The following ZBP1 variants were observed in gnomAD, a reference collection of about 807,000 sequenced individuals.
ZBP1 encodes the protein Z-DNA binding protein 1.
A neutral mutation model predicts 41.1 loss-of-function variants in ZBP1; 42 were observed. That is an observed-to-expected ratio of 1.02 (90% CI 0.80 to 1.32). ZBP1 has a LOEUF of 1.32. ZBP1 is among the 40% of genes most tolerant of loss of function. The pLI is 0.00. For synonymous variants in ZBP1, 214 were observed against 205.2 expected (o/e 1.04, Z -0.37); for missense variants, 562 against 549.7 (o/e 1.02, Z -0.22).
chr20:57,616,045 G>C (rs2070815297), intron 2 of ZBP1, 199 bp downstream of exon 2: 1 of 612,916 alleles, frequency 1.6e-6, no homozygotes, highest in African/African-American at 1.8e-5. Context: ...CTGACGCAGG[G>C]CCTCCTCTCA....
In ZBP1 at chr20:57,613,004, C is replaced by T. The variant is rs1456894620; in HGVS notation, c.670+159G>A. ...GCTTTGATCCAGGTGTCCTCATTCT[C>T]AGGACGGCCGTAAAGGTGGACTGTG... On this transcript the variant is annotated intron_variant, in intron 5 of 7. Coordinates refer to ENST00000371173, the MANE Select transcript of ZBP1 (RefSeq NM_030776.3). This position sits in a 1 kb window ranked among gnomAD's most constrained non-coding sequence, Gnocchi z 4.5. The T allele has an allele frequency of 2.0e-6, 3 of 1,470,148 alleles. No homozygotes were observed. The South Asian group carries it at 4.2e-5, about 21-fold the overall frequency. The allele number at this position is 1,470,148 out of a possible 1,614,324, so 91.1% of individuals were successfully genotyped here. A position where few individuals can be genotyped will look rare whatever the true frequency, so the allele number is the denominator to read the frequency against.
At position 57,604,132 on chromosome 20, in the gene ZBP1, C is replaced by T; in HGVS notation, c.*441G>A. On this transcript the variant is annotated 3_prime_UTR_variant, in exon 8 of 8. Coordinates refer to ENST00000371173, the MANE Select transcript of ZBP1 (RefSeq NM_030776.3). ...TATTGATCCGCCCGCCTCGGCCTCC[C>T]AAAGTGCTGGGATTACAGGCGTGAG... is the stretch of plus-strand genomic sequence containing the variant. The T allele has an allele frequency of 3.5e-6, 1 of 289,074 alleles. No individual in the cohort carries two copies. The highest frequency in any genetic ancestry group is 6.8e-6 in the Non-Finnish European group (1 of 146,900). The allele number at this position is 289,074 out of a possible 1,614,324, so 17.9% of individuals were successfully genotyped here.
At chr20:57,620,196 G>A (rs919924722) in intron 1 of ZBP1, 66 bp downstream of exon 1, 39 of 1,528,546 alleles carry the variant, frequency 2.6e-5, no homozygotes, top group Non-Finnish European at 3.3e-5. Context: ...CGAAACAGGA[G>A]GAAAGAGAAG....
Position 57,610,458 on chromosome 20 carries a change from A to G in ZBP1, c.875-91T>C. On this transcript the variant is annotated intron_variant, in intron 6 of 7. Transcript: ENST00000371173. This position sits in a 1 kb window ranked among gnomAD's most constrained non-coding sequence, Gnocchi z 5.5. Reference sequence around the variant, plus strand: ...CCCAGCCTGGTTCACCCTCCTCCCCAGATCTCCCACCAGTGGCCCACACCA... The same window carrying G: ...CCCAGCCTGGTTCACCCTCCTCCCCGGATCTCCCACCAGTGGCCCACACCA... The G allele has an allele frequency of 5.7e-6, 8 of 1,408,134 alleles. No homozygotes were observed. The South Asian group carries it at 9.8e-5, about 17-fold the overall frequency. The allele number at this position is 1,408,134 out of a possible 1,614,324, so 87.2% of individuals were successfully genotyped here.
chr20:57,610,138 C>T lies in ZBP1; in HGVS notation c.1093+11G>A. On this transcript the variant is annotated intron_variant, in intron 7 of 7. Coordinates refer to ENST00000371173, the MANE Select transcript of ZBP1 (RefSeq NM_030776.3). This position sits in a 1 kb window ranked among gnomAD's most constrained non-coding sequence, Gnocchi z 5.5. ...AGAACACACAGGGGTCCACTCTGCC[C>T]CCTAGCTCACCTGCGTCCTCCCCTG... is the stretch of plus-strand genomic sequence containing the variant. 2.5e-6 allele frequency: 4 copies of T among 1,612,630 alleles called. No individual in the cohort carries two copies. Among genetic ancestry groups the T allele is most frequent in the South Asian group, 1.1e-5 (1 of 91,026 alleles).
intron 7 of ZBP1, chr20:57,606,941 C>T (rs2146556931): frequency 2.6e-6 from 3 of 1,162,894 alleles, no homozygotes; most frequent in Non-Finnish European, 3.3e-6. Context: ...TGACAATGCA[C>T]CTGTTCATCC....
At position 57,613,454 on chromosome 20, in the gene ZBP1, G is replaced by A; in HGVS notation, c.503-124C>T. The stretch of plus-strand genomic sequence containing the variant: ...AAAATACCCTGGGCGTTCCGAGTCA[G>A]TAGGGCCAAGTGGGAGGCCAGAGCT... On this transcript the variant is annotated intron_variant, in intron 4 of 7. Transcript: ENST00000371173. This position sits in a 1 kb window ranked among gnomAD's most constrained non-coding sequence, Gnocchi z 4.5. 9.8e-7 allele frequency: 1 copy of A among 1,020,368 alleles called. No individual in the cohort carries two copies. Among genetic ancestry groups the A allele is most frequent in the East Asian group, 2.4e-5 (1 of 41,738 alleles). 63.2% of individuals were successfully genotyped at this position (1,020,368 alleles called of 1,614,324 possible).
chr20:57,610,419 C>T lies in ZBP1; in HGVS notation c.875-52G>A, dbSNP rs377519470. The T allele has an allele frequency of 8.1e-5, 129 of 1,595,848 alleles. No individual in the cohort carries two copies. The highest frequency in any genetic ancestry group is 4.6e-4 in the South Asian group (42 of 90,466). On this transcript the variant is annotated intron_variant, in intron 6 of 7. Coordinates refer to ENST00000371173, the MANE Select transcript of ZBP1 (RefSeq NM_030776.3). The surrounding 1 kb of genome is among the most constrained non-coding windows in gnomAD (Gnocchi z 5.5). ...GAGCCAGGAGCAGCTGGACAGTGGCCGGGAACCCTGACCCCCAGCCTGGTT... is the reference window on the plus strand; with the variant it reads ...GAGCCAGGAGCAGCTGGACAGTGGCTGGGAACCCTGACCCCCAGCCTGGTT...
In ZBP1 at chr20:57,610,371, T is replaced by C. The variant is rs1310008025; in HGVS notation, c.875-4A>G. The C allele has an allele frequency of 3.1e-6, 5 of 1,613,934 alleles. No homozygotes were observed. The Admixed American group carries it at 8.3e-5, about 27-fold the overall frequency. ...GGGCCGGCAGCAGTGGCAGAGACTGTGGGTCAAAGGGAGAGAGGCCTGGAG... is the reference window on the plus strand; with the variant it reads ...GGGCCGGCAGCAGTGGCAGAGACTGCGGGTCAAAGGGAGAGAGGCCTGGAG... On this transcript the variant is annotated splice_polypyrimidine_tract_variant and splice_region_variant and intron_variant, in intron 6 of 7. Coordinates refer to ENST00000371173, the MANE Select transcript of ZBP1 (RefSeq NM_030776.3). The surrounding 1 kb of genome is among the most constrained non-coding windows in gnomAD (Gnocchi z 5.5).
chr20:57,604,429 A>G lies in ZBP1; in HGVS notation c.*144T>C, dbSNP rs1250367394. Reference sequence around the variant, plus strand: ...CTGAACCCATCCCCATGCCAGGTCCATTCCCCCAAAACTGATTCATGCAGG... The same window carrying G: ...CTGAACCCATCCCCATGCCAGGTCCGTTCCCCCAAAACTGATTCATGCAGG... On this transcript the variant is annotated 3_prime_UTR_variant, in exon 8 of 8. Transcript: ENST00000371173. 2.8e-6 allele frequency: 3 copies of G among 1,061,300 alleles called. No individual in the cohort carries two copies. The highest frequency in any genetic ancestry group is 2.6e-5 in the South Asian group (2 of 77,264). The allele number at this position is 1,061,300 out of a possible 1,614,324, so 65.7% of individuals were successfully genotyped here.
intron 3 of ZBP1, 115 bp downstream of exon 3, chr20:57,615,397 G>C (rs2070792304): frequency 9.0e-7 from 1 of 1,113,602 alleles, no homozygotes; most frequent in Non-Finnish European, 1.3e-6. Flanking sequence ...GCTGCCTGGT[G>C]GGTGGGACAG....
At position 57,610,265 on chromosome 20, in the gene ZBP1, G is replaced by A. The variant is rs148258013; in HGVS notation, c.977C>T (p.Ser326Leu). 2.0e-4 allele frequency: 315 copies of A among 1,614,174 alleles called. 1 individual carries two copies. The highest frequency in any genetic ancestry group is 3.3e-4 in the Middle Eastern group (2 of 6,062). Residue 326 changes from serine (S) to leucine (L), a missense_variant, in exon 7 of 8, where the codon TCG (serine) becomes TTG (leucine). Ser to Leu is a moderately radical substitution (Grantham distance 145). Transcript: ENST00000371173. This position sits in a 1 kb window ranked among gnomAD's most constrained non-coding sequence, Gnocchi z 5.5. ...GATGGTGGCGTCCTCGAGAAAGCAC[G>A]ATTTCATGTGGATTCTCTGGGCGGC... ...GEAAQRIHMK[S>L]CFLEDATIGN...
At position 57,611,825 on chromosome 20, in the gene ZBP1, G is replaced by GA; in HGVS notation, c.775dup (p.Ser259PhefsTer13). 6.2e-7 allele frequency: 1 copy of GA among 1,609,740 alleles called. No homozygotes were observed. The highest frequency in any genetic ancestry group is 8.5e-7 in the Non-Finnish European group (1 of 1,178,250). On this transcript the variant is annotated frameshift_variant, in exon 6 of 8. Coordinates refer to ENST00000371173, the MANE Select transcript of ZBP1 (RefSeq NM_030776.3). LOFTEE classifies it high-confidence loss of function. ...TCCCAGCTGCACCCGTCTCAGTATGGACTGCTCCATGTGGATGTCCTGGGG... is the reference window on the plus strand; with the variant it reads ...TCCCAGCTGCACCCGTCTCAGTATGGAACTGCTCCATGTGGATGTCCTGGGG...
At chr20:57,612,525 A>G (rs1312104485) in intron 5 of ZBP1, among the ~76,000 whole-genome samples, 1 of 151,810 alleles carries the variant, frequency 6.6e-6, no homozygotes, top group Non-Finnish European at 1.5e-5. Context: ...CAGTGGGGAA[A>G]GGTTCTCCCA....
Position 57,610,396 on chromosome 20 carries a change from G to A in ZBP1, c.875-29C>T. On this transcript the variant is annotated intron_variant, in intron 6 of 7. Coordinates refer to ENST00000371173, the MANE Select transcript of ZBP1 (RefSeq NM_030776.3). This position sits in a 1 kb window ranked among gnomAD's most constrained non-coding sequence, Gnocchi z 5.5. ...TGGGTCAAAGGGAGAGAGGCCTGGA[G>A]CCAGGAGCAGCTGGACAGTGGCCGG... 6.2e-7 allele frequency: 1 copy of A among 1,611,726 alleles called. No homozygotes were observed. The highest frequency in any genetic ancestry group is 8.5e-7 in the Non-Finnish European group (1 of 1,178,004).
rs2070629828 is a variant in ZBP1 at position 57,610,431 on chromosome 20, C to A, written c.875-64G>T. On this transcript the variant is annotated intron_variant, in intron 6 of 7. Transcript: ENST00000371173. This position sits in a 1 kb window ranked among gnomAD's most constrained non-coding sequence, Gnocchi z 5.5. ...GCTGGACAGTGGCCGGGAACCCTGA[C>A]CCCCAGCCTGGTTCACCCTCCTCCC... 3 of 1,566,022 alleles carry A rather than the reference C, an allele frequency of 1.9e-6. No individual in the cohort carries two copies. The highest frequency in any genetic ancestry group is 1.1e-5 in the South Asian group (1 of 89,214).
rs372958405 is a variant in ZBP1, at chr20:57,603,993, G to A, written c.*580C>T. On this transcript the variant is annotated 3_prime_UTR_variant, in exon 8 of 8. Coordinates refer to ENST00000371173, the MANE Select transcript of ZBP1 (RefSeq NM_030776.3). The surrounding 1 kb of genome is among the most constrained non-coding windows in gnomAD (Gnocchi z 4.6). ...CACCATTCTCCTCCCTCAGCCTCCG[G>A]AGTAGCTGGGACTCCAGGTGCCCGC... 1.1e-5 allele frequency: 2 copies of A among 184,334 alleles called. No homozygotes were observed. The highest frequency in any genetic ancestry group is 1.1e-5 in the Non-Finnish European group (1 of 88,206). 11.4% of individuals were successfully genotyped at this position (184,334 alleles called of 1,614,324 possible). A position where few individuals can be genotyped will look rare whatever the true frequency, so the allele number is the denominator to read the frequency against.
At position 57,611,802 on chromosome 20, in the gene ZBP1, C is replaced by G; in HGVS notation, c.799G>C (p.Gly267Arg). 1 of 1,612,384 alleles carries G rather than the reference C, an allele frequency of 6.2e-7. No individual in the cohort carries two copies. Among genetic ancestry groups the G allele is most frequent in the Non-Finnish European group, 8.5e-7 (1 of 1,179,444 alleles). ...TGGAGCCTCATCTCATTGCTGTGTC[C>G]CAGCTGCACCCGTCTCAGTATGGAC... Reference protein sequence around the residue: ...EQSILRRVQLGHSNEMRLHGV... With the variant: ...EQSILRRVQLRHSNEMRLHGV... The change falls in exon 6 of 8, where the codon GGA becomes CGA. Residue 267 changes from glycine (G) to arginine (R), a missense_variant. Transcript: ENST00000371173.
At position 57,616,408 on chromosome 20, in the gene ZBP1, G is replaced by A. The variant is rs915240585; in HGVS notation, c.95C>T (p.Ala32Val). The change falls in exon 2 of 8, where the codon GCC (alanine) becomes GTC (valine). Residue 32 changes from alanine (A) to valine (V), a missense_variant. Transcript: ENST00000371173. Reference sequence around the variant, plus strand: ...TGCTTGGCATTCCTTCACCAGCTGGGCAAGTTTCACCGGGGAGCCAGCCTC... The same window carrying A: ...TGCTTGGCATTCCTTCACCAGCTGGACAAGTTTCACCGGGGAGCCAGCCTC... Reference protein sequence around the residue: ...LTEAGSPVKLAQLVKECQAPK... With the variant: ...LTEAGSPVKLVQLVKECQAPK... 1.9e-6 allele frequency: 3 copies of A among 1,614,102 alleles called. No individual in the cohort carries two copies. The highest frequency in any genetic ancestry group is 2.5e-6 in the Non-Finnish European group (3 of 1,180,014).
Sources: gnomAD v4.1 joint callset for allele counts (sites outside exome capture counted in the v4.1 genomes callset) on GRCh38, gnomAD v4.1.1 for gene constraint, Gnocchi (gnomAD v3.1) non-coding constraint, MANE v1.5 for transcripts, NCBI Gene and HGNC (gene_info 2026-07-23, HGNC 2026-07-21) for gene names.